PRKG1: variants seen among roughly 807,000 people sequenced by gnomAD.
PRKG1 encodes the protein protein kinase cGMP-dependent 1.
A neutral mutation model predicts 88.1 loss-of-function variants in PRKG1; 35 were observed. That is an observed-to-expected ratio of 0.40 (90% confidence interval 0.30 to 0.53). PRKG1 has a LOEUF of 0.53. PRKG1 is among the 20% of genes least tolerant of loss of function. The pLI is 0.59. For missense variants in PRKG1, 540 were observed against 839.8 expected, an observed-to-expected ratio of 0.64 and a Z score of 4.41; for synonymous variants, 303 against 292.5, an observed-to-expected ratio of 1.04 and a Z score of -0.37.
intron 5 of PRKG1, among the ~76,000 whole-genome samples, chr10:51,972,970 G>A (rs781323737): frequency 1.2e-4 from 19 of 152,088 alleles, no homozygotes; most frequent in Admixed American, 2.6e-4. Context: ...CACTGATCTG[G>A]TCAGACTGAA....
intron 4 of PRKG1, among the ~76,000 whole-genome samples, chr10:51,906,908 T>C (rs1842098050): frequency 6.6e-6 from 1 of 152,202 alleles, no homozygotes. Context: ...GATTCTATAC[T>C]AGAGTCAGGT....
At chr10:51,336,795 A>G (rs530859942) in intron 2 of PRKG1, among the ~76,000 whole-genome samples, 52 of 152,282 alleles carry the variant, frequency 3.4e-4, no homozygotes, top group African/African-American at 1.2e-3. Flanking sequence ...CAAATGATTA[A>G]CCTTAGATGA....
intron 2 of PRKG1, among the ~76,000 whole-genome samples, chr10:51,340,786 A>G (rs1009073736): frequency 2.0e-5 from 3 of 152,228 alleles, no homozygotes; most frequent in African/African-American, 7.2e-5. Context: ...ATAGAAAACC[A>G]TAGACAATAT....
chr10:51,329,780 T>C (rs1841684303), intron 2 of PRKG1, among the ~76,000 whole-genome samples: 1 of 152,120 alleles, frequency 6.6e-6, no homozygotes, highest in Admixed American at 6.5e-5. Flanking sequence ...CATCCCACTC[T>C]CTCCTGGCCT....
intron 12 of PRKG1, among the ~76,000 whole-genome samples, chr10:52,273,748 G>T (rs553317248): frequency 6.6e-6 from 1 of 152,132 alleles, no homozygotes; most frequent in African/African-American, 2.4e-5. Context: ...AGGCGATAAG[G>T]TTAACATCTA....
intron 2 of PRKG1, among the ~76,000 whole-genome samples, chr10:51,177,738 T>G (rs1341120708): frequency 6.6e-6 from 1 of 152,070 alleles, no homozygotes; most frequent in African/African-American, 2.4e-5. Context: ...GATGTATATG[T>G]TATGCATATA....
chr10:51,921,997 C>T (rs1219069449), intron 5 of PRKG1, among the ~76,000 whole-genome samples: 1 of 151,812 alleles, frequency 6.6e-6, no homozygotes, highest in East Asian at 1.9e-4. Context: ...TTATTTTTTA[C>T]TTAAATATTT....
At chr10:52,157,318 T>TATATATATAC (rs1838144395) in intron 8 of PRKG1, among the ~76,000 whole-genome samples, 1 of 43,790 alleles carries the variant, frequency 2.3e-5, no homozygotes, top group African/African-American at 1.1e-4. Context: ...TATATATATA[T>TATATATATAC]ATATATATAT....
intron 3 of PRKG1, among the ~76,000 whole-genome samples, chr10:51,502,083 C>T (rs12246065): frequency 6.6e-6 from 1 of 151,948 alleles, no homozygotes; most frequent in Admixed American, 6.6e-5. Context: ...AAAAACTTGA[C>T]TTTTCTATTA....
At chr10:51,243,318 C>T (rs1397001072) in intron 2 of PRKG1, among the ~76,000 whole-genome samples, 1 of 152,158 alleles carries the variant, frequency 6.6e-6, no homozygotes. Flanking sequence ...TGCAGAGTCT[C>T]AGGTCTGTTC....
chr10:51,866,819 T>C (rs145206259), intron 4 of PRKG1, among the ~76,000 whole-genome samples: 8 of 152,306 alleles, frequency 5.3e-5, no homozygotes, highest in Non-Finnish European at 1.2e-4. Context: ...CTGAAAACTT[T>C]CTTTATACTA....
At chr10:51,007,821 A>G (rs545587395) in intron 1 of PRKG1, among the ~76,000 whole-genome samples, 3 of 152,360 alleles carry the variant, frequency 2.0e-5, no homozygotes, top group African/African-American at 7.2e-5. Context: ...ATAATGGGAA[A>G]GTAGGAAATA....
At position 51,757,676 on chromosome 10, in the gene PRKG1, A is replaced by G. The variant is rs532545288; in HGVS notation, c.593-46909A>G. On this transcript the variant is annotated intron_variant, in intron 3 of 17. Coordinates refer to ENST00000373980, the MANE Select transcript of PRKG1 (RefSeq NM_006258.4). The stretch of plus-strand genomic sequence containing the variant: ...GAGATGTGTTATAAGTATAAAATGC[A>G]TACTGGATTTCAAAAATTTAATTAG... Among the ~76,000 whole-genome samples the G allele has an allele frequency of 2.0e-5, 3 of 152,334 alleles. No homozygotes were observed. In the East Asian group the frequency reaches 5.8e-4, roughly 29 times the overall value.
chr10:51,249,482 T>C (rs1321090246), intron 2 of PRKG1, among the ~76,000 whole-genome samples: 2 of 151,830 alleles, frequency 1.3e-5, no homozygotes, highest in South Asian at 2.1e-4. Context: ...TTGTTCCTAT[T>C]CTCTTGGCTA....
chr10:52,110,624 C>T (rs1216410853), intron 7 of PRKG1, among the ~76,000 whole-genome samples: 1 of 152,086 alleles, frequency 6.6e-6, no homozygotes, highest in Non-Finnish European at 1.5e-5. Context: ...ATCCAGTTTG[C>T]TTTTTAGAGC....
chr10:52,084,961 A>C (rs1846874917), intron 7 of PRKG1, among the ~76,000 whole-genome samples: 1 of 151,974 alleles, frequency 6.6e-6, no homozygotes, highest in Non-Finnish European at 1.5e-5. Flanking sequence ...TTTATTTTAC[A>C]TTGTCACTCA....
At chr10:52,016,424 C>A (rs1845042194) in intron 5 of PRKG1, among the ~76,000 whole-genome samples, 1 of 152,166 alleles carries the variant, frequency 6.6e-6, no homozygotes, top group Non-Finnish European at 1.5e-5. Context: ...CCCCATGATC[C>A]AGTCACCTCC....
At chr10:51,603,322 C>T (rs992553109) in intron 3 of PRKG1, among the ~76,000 whole-genome samples, 2 of 152,126 alleles carry the variant, frequency 1.3e-5, no homozygotes, top group African/African-American at 2.4e-5. Flanking sequence ...ATGGCCGGGA[C>T]TTTCAAATCA....
chr10:51,838,879 C>A (rs990949486), intron 4 of PRKG1, among the ~76,000 whole-genome samples: 1 of 152,104 alleles, frequency 6.6e-6, no homozygotes, highest in Non-Finnish European at 1.5e-5. Context: ...TGAGATAGAC[C>A]AATTTTTCCA....
Sources: allele counts gnomAD v4.1 joint callset (sites outside exome capture counted in the v4.1 genomes callset), GRCh38; gene constraint gnomAD v4.1.1; transcripts MANE v1.5; gene names NCBI Gene and HGNC (gene_info 2026-07-23, HGNC 2026-07-21).